Variants in GJA9 observed in about 807,000 individuals in gnomAD.
GJA9 encodes the protein gap junction protein alpha 9, also known as gap junction alpha-9 protein.
Under a neutral mutation model 0.4 loss-of-function variants are expected in GJA9, and 1 was observed. The observed-to-expected ratio is 2.50, with a 90% CI of 0.89 to 11.88. The LOEUF (loss-of-function observed/expected upper bound fraction) is 11.88, where lower values mean the gene tolerates loss of function less well. GJA9 is among the 30% of genes most tolerant of loss of function. The pLI, the probability that GJA9 is intolerant of heterozygous loss-of-function variation, is 0.12. For synonymous variants in GJA9, 190 were observed against 219.1 expected, an observed-to-expected ratio of 0.87 and a Z score of 1.17; for missense variants, 550 against 602.8, an observed-to-expected ratio of 0.91 and a Z score of 0.92.
chr1:38,878,448 A>AGG (rs1179712860), intron 1 of GJA9, among the ~76,000 whole-genome samples: 2 of 149,402 alleles, frequency 1.3e-5, no homozygotes, highest in Non-Finnish European at 3.0e-5. Flanking sequence ...TGGGAGGCCG[A>AGG]TGCGGATCAC....
At chr1:38,880,168 C>G (rs577220813) in intron 1 of GJA9, among the ~76,000 whole-genome samples, 1 of 142,244 alleles carries the variant, frequency 7.0e-6, no homozygotes, top group South Asian at 2.3e-4. Flanking sequence ...TTTAGGAGGC[C>G]GAGGCCAGCG....
At position 38,875,075 on chromosome 1, in the gene GJA9, GACT is replaced by G. The variant is rs768829238; in HGVS notation, c.1021_1023del (p.Ser341del). On this transcript the variant is annotated inframe_deletion, in exon 2 of 2. Transcript: ENST00000357771. The stretch of plus-strand genomic sequence containing the variant: ...TTGTTTGAACTGATGTGTTGAAAAT[GACT>G]ACAACTAGTACTAAGTGTGGAAATC... The G allele has an allele frequency of 9.3e-6, 15 of 1,614,082 alleles. No homozygotes were observed. Among genetic ancestry groups the G allele is most frequent in the Non-Finnish European group, 1.2e-5 (14 of 1,180,010 alleles).
intron 1 of GJA9, among the ~76,000 whole-genome samples, chr1:38,879,718 T>G (rs1287156240): frequency 6.6e-6 from 1 of 152,160 alleles, no homozygotes; most frequent in Non-Finnish European, 1.5e-5. Flanking sequence ...CAGCCTTTGT[T>G]CTGTTTTTTT....
chr1:38,881,120 GA>G (rs1408335873), intron 1 of GJA9, among the ~76,000 whole-genome samples: 1 of 152,050 alleles, frequency 6.6e-6, no homozygotes, highest in Non-Finnish European at 1.5e-5. Context: ...TATTAACGGT[GA>G]TTAGCTCTGG....
intron 1 of GJA9, among the ~76,000 whole-genome samples, chr1:38,878,744 T>C (rs1405673409): frequency 6.7e-6 from 1 of 148,856 alleles, no homozygotes; most frequent in Non-Finnish European, 1.5e-5. Flanking sequence ...TTTTTTTTTT[T>C]TTTTTTGAGA....
chr1:38,880,534 A>G (rs1212729193), intron 1 of GJA9, among the ~76,000 whole-genome samples: 1 of 151,784 alleles, frequency 6.6e-6, no homozygotes, highest in Non-Finnish European at 1.5e-5. Flanking sequence ...CTGTAATCCC[A>G]GCACTTTGGG....
intron 1 of GJA9, among the ~76,000 whole-genome samples, chr1:38,880,422 T>A (rs796623317): frequency 0.15 from 5,121 of 34,538 alleles, 540 homozygotes; most frequent in Non-Finnish European, 0.23. Context: ...TAAATAATAA[T>A]AATAATAATA....
intron 1 of GJA9, among the ~76,000 whole-genome samples, chr1:38,878,962 A>C (rs1433431154): frequency 6.6e-6 from 1 of 151,876 alleles, no homozygotes; most frequent in African/African-American, 2.4e-5. Flanking sequence ...CGAACTCCCA[A>C]CCTCAGGTGA....
intron 1 of GJA9, among the ~76,000 whole-genome samples, chr1:38,878,451 C>T (rs1419725663): frequency 1.3e-5 from 2 of 150,964 alleles, no homozygotes; most frequent in Non-Finnish European, 2.9e-5. Context: ...GAGGCCGATG[C>T]GGATCACCTG....
At chr1:38,880,017 C>T (rs1177402006) in intron 1 of GJA9, among the ~76,000 whole-genome samples, 1 of 151,608 alleles carries the variant, frequency 6.6e-6, no homozygotes, top group African/African-American at 2.4e-5. Context: ...GCGCCCGGCT[C>T]TGTTAATACG....
In GJA9 at chr1:38,874,675, C is replaced by T. The variant is rs747358539; in HGVS notation, c.1424G>A (p.Gly475Glu). 5.0e-6 allele frequency: 8 copies of T among 1,614,190 alleles called. No individual in the cohort carries two copies. Among genetic ancestry groups the T allele is most frequent in the Non-Finnish European group, 6.8e-6 (8 of 1,180,042 alleles). ...CAACCCTGGCTCAAAGGACAGCCCT[C>T]CCAAAGAATCAGCAGTGTTTGGAAT... ...LDIPNTADSL[G>E]GLSFEPGLVR... The change falls in exon 2 of 2, where the codon GGA becomes GAA. Residue 475 changes from glycine (G) to glutamate (E), a missense_variant. Gly to Glu is a moderately conservative substitution (Grantham distance 98). Coordinates refer to ENST00000357771, the MANE Select transcript of GJA9 (RefSeq NM_030772.5).
intron 1 of GJA9, among the ~76,000 whole-genome samples, chr1:38,877,511 CTTTT>C (rs1642610282): frequency 6.6e-6 from 1 of 151,066 alleles, no homozygotes; most frequent in Non-Finnish European, 1.5e-5. Context: ...TTCTTTCTTT[CTTTT>C]GGGACAGAGT....
rs945289810 is a variant in GJA9 at position 38,875,242 on chromosome 1, A to G, written c.857T>C (p.Leu286Pro). Reference protein sequence around the residue: ...KRLPSAPDYNLLVEKQTHTAV... With the variant: ...KRLPSAPDYNPLVEKQTHTAV... Reference sequence around the variant, plus strand: ...AGTGTGTGTTTGCTTTTCCACTAACAGATTATAATCAGGGGCAGAAGGGAG... The same window carrying G: ...AGTGTGTGTTTGCTTTTCCACTAACGGATTATAATCAGGGGCAGAAGGGAG... The change falls in exon 2 of 2, where the codon CTG (leucine) becomes CCG (proline). Residue 286 changes from leucine (L) to proline (P), a missense_variant. Leu to Pro is a moderately conservative substitution (Grantham distance 98, BLOSUM62 -3). Transcript: ENST00000357771. 6.2e-7 allele frequency: 1 copy of G among 1,614,036 alleles called. No individual in the cohort carries two copies.
intron 1 of GJA9, among the ~76,000 whole-genome samples, chr1:38,880,790 A>T (rs1642685310): frequency 6.6e-6 from 1 of 151,786 alleles, no homozygotes; most frequent in Non-Finnish European, 1.5e-5. Flanking sequence ...TCAAAAAATA[A>T]AAAAAAAGTA....
chr1:38,876,976 C>T (rs1360635729), intron 1 of GJA9, among the ~76,000 whole-genome samples: 1 of 151,986 alleles, frequency 6.6e-6, no homozygotes. Context: ...GATCTGGCCA[C>T]CTCGGCCTCC....
At chr1:38,879,944 C>G (rs1482035360) in intron 1 of GJA9, among the ~76,000 whole-genome samples, 7 of 151,588 alleles carry the variant, frequency 4.6e-5, no homozygotes, top group Admixed American at 3.9e-4. Context: ...ATCTCGATCT[C>G]CTGACCTCGT....
At position 38,875,681 on chromosome 1, in the gene GJA9, C is replaced by A. The variant is rs1642573149; in HGVS notation, c.418G>T (p.Glu140Ter). The A allele has an allele frequency of 1.9e-6, 3 of 1,614,210 alleles. No homozygotes were observed. Among genetic ancestry groups the A allele is most frequent in the Non-Finnish European group, 2.5e-6 (3 of 1,180,042 alleles). Residue 140 changes from glutamate (E) to a stop codon, truncating the protein, a stop_gained, in exon 2 of 2, where the codon GAG becomes TAG. Transcript: ENST00000357771. LOFTEE classifies it low-confidence loss of function (END_TRUNC). ...GGAGCTTTATTTAGTTTCCTTTTCT[C>A]CAGCTGACAAAGCTCTTGCTCCAAT... ...RRLEQELCQL[E>*]KRKLNKAPLR...
At chr1:38,877,832 A>G (rs1192922618) in intron 1 of GJA9, among the ~76,000 whole-genome samples, 1 of 152,190 alleles carries the variant, frequency 6.6e-6, no homozygotes, top group Non-Finnish European at 1.5e-5. Flanking sequence ...ATTTATACAC[A>G]TAGGAAAACG....
chr1:38,875,505 G>A lies in GJA9; in HGVS notation c.594C>T (p.Ile198=), dbSNP rs1642568626. The A allele has an allele frequency of 6.2e-7, 1 of 1,614,116 alleles. No individual in the cohort carries two copies. The highest frequency in any genetic ancestry group is 8.5e-7 in the Non-Finnish European group (1 of 1,179,972). ...KCHGHPCPNI[I]DCFVSRPTEK... is the part of the protein sequence containing the mutation. ...CTGTTGGTCTTGAGACAAAACAGTC[G>A]ATTATATTTGGACACGGGTGGCCAT... is the stretch of plus-strand genomic sequence containing the variant. The change falls in exon 2 of 2, where the codon ATC becomes ATT. Residue 198 remains isoleucine, a synonymous_variant. Transcript: ENST00000357771.
Sources: allele counts gnomAD v4.1 joint callset (sites outside exome capture counted in the v4.1 genomes callset), GRCh38; gene constraint gnomAD v4.1.1; transcripts MANE v1.5; gene names NCBI Gene and HGNC (gene_info 2026-07-23, HGNC 2026-07-21).